FAM227A: variants seen among roughly 807,000 people sequenced by gnomAD.
FAM227A encodes family with sequence similarity 227 member A.
In FAM227A, 80 loss-of-function variants were observed where a neutral mutation model predicts 74.7. The observed-to-expected ratio is 1.07, with a 90% CI of 0.89 to 1.29. The LOEUF (loss-of-function observed/expected upper bound fraction) is 1.29, where lower values mean the gene tolerates loss of function less well. FAM227A is among the 50% of genes most tolerant of loss of function. FAM227A has a pLI of 0.00. For missense variants in FAM227A, 654 were observed against 683.4 expected, an observed-to-expected ratio of 0.96 and a Z score of 0.48; for synonymous variants, 237 against 241.8, an observed-to-expected ratio of 0.98 and a Z score of 0.19.
chr22:38,636,025 GAA>G (rs1371503410), intron 6 of FAM227A, among the ~76,000 whole-genome samples: 2 of 139,766 alleles, frequency 1.4e-5, no homozygotes, highest in Non-Finnish European at 3.1e-5. Context: ...AGGAAAGAAA[GAA>G]GAGAGAAAGA....
rs745405861 is a variant in FAM227A at position 38,579,846 on chromosome 22, ATT to A, written c.*6277_*6278del. 1 of 152,144 alleles carries A rather than the reference ATT, an allele frequency of 6.6e-6. No homozygotes were observed. Among genetic ancestry groups the A allele is most frequent in the Admixed American group, 6.6e-5 (1 of 15,264 alleles). The allele number at this position is 152,144 out of a possible 1,614,324, so 9.4% of individuals were successfully genotyped here. ...TAAAATATTTAAGATTCAGATATCC[ATT>A]TGTCTCATAAATGCCACATTTTGTT... On this transcript the variant is annotated 3_prime_UTR_variant, in exon 17 of 17. Transcript: ENST00000535113.
chr22:38,585,709 CTG>C lies in FAM227A; in HGVS notation c.*414_*415del, dbSNP rs2090791793. 1 of 223,200 alleles carries C rather than the reference CTG, an allele frequency of 4.5e-6. No individual in the cohort carries two copies. Among genetic ancestry groups the C allele is most frequent in the African/African-American group, 2.3e-5 (1 of 44,116 alleles). The allele number at this position is 223,200 out of a possible 1,614,324, so 13.8% of individuals were successfully genotyped here. A position where few individuals can be genotyped will look rare whatever the true frequency, so the allele number is the denominator to read the frequency against. Reference sequence around the variant, plus strand: ...ATGGTGACTCCCTTGAGAACAGGGACTGTGTCTTATCTACTGTTAATTACCCA... The same window carrying C: ...ATGGTGACTCCCTTGAGAACAGGGACTGTCTTATCTACTGTTAATTACCCA... On this transcript the variant is annotated 3_prime_UTR_variant, in exon 17 of 17. Coordinates refer to ENST00000535113, the MANE Select transcript of FAM227A (RefSeq NM_001013647.2).
chr22:38,630,841 G>C (rs2091902130), intron 6 of FAM227A, among the ~76,000 whole-genome samples: 1 of 152,180 alleles, frequency 6.6e-6, no homozygotes, highest in Non-Finnish European at 1.5e-5. Flanking sequence ...CATCTCATCT[G>C]CGCTTCAGGT....
At chr22:38,606,634 C>A (rs192005597) in intron 12 of FAM227A, among the ~76,000 whole-genome samples, 1 of 152,090 alleles carries the variant, frequency 6.6e-6, no homozygotes, top group Non-Finnish European at 1.5e-5. Context: ...ATTTCCAGGG[C>A]GAATTGCCAG....
At chr22:38,625,313 C>A (rs551239495) in intron 9 of FAM227A, among the ~76,000 whole-genome samples, 3 of 150,716 alleles carry the variant, frequency 2.0e-5, no homozygotes, top group Admixed American at 6.6e-5. Flanking sequence ...GGCAAGAACC[C>A]GGAAGGCTGA....
In FAM227A at chr22:38,581,751, T is replaced by TG. The variant is rs1384271339; in HGVS notation, c.*4373_*4374insC. ...ACCGCACCTGGCTCAGGTTTTTTTT[T>TG]TTTTTTTTCCCAGACACAGTCTTGC... On this transcript the variant is annotated 3_prime_UTR_variant, in exon 17 of 17. Transcript: ENST00000535113. 2.6e-5 allele frequency: 4 copies of TG among 151,328 alleles called. No homozygotes were observed. The highest frequency in any genetic ancestry group is 5.9e-5 in the Non-Finnish European group (4 of 67,978). The allele number at this position is 151,328 out of a possible 1,614,324, so 9.4% of individuals were successfully genotyped here. A position where few individuals can be genotyped will look rare whatever the true frequency, so the allele number is the denominator to read the frequency against.
Position 38,578,886 on chromosome 22 carries a change from T to C in FAM227A, c.*7239A>G, listed in dbSNP as rs2090683371. 1 of 152,190 alleles carries C rather than the reference T, an allele frequency of 6.6e-6. No individual in the cohort carries two copies. Among genetic ancestry groups the C allele is most frequent in the African/African-American group, 2.4e-5 (1 of 41,446 alleles). 9.4% of individuals were successfully genotyped at this position (152,190 alleles called of 1,614,324 possible). A position where few individuals can be genotyped will look rare whatever the true frequency, so the allele number is the denominator to read the frequency against. ...TTTGTTGAACACCCAATAATGATCA[T>C]GATAGCCAGTACATGCTGCACTTAC... is the stretch of plus-strand genomic sequence containing the variant. On this transcript the variant is annotated 3_prime_UTR_variant, in exon 17 of 17. Transcript: ENST00000535113.
rs2090705370 is a variant in FAM227A at position 38,581,338 on chromosome 22, A to G, written c.*4787T>C. On this transcript the variant is annotated 3_prime_UTR_variant, in exon 17 of 17. Coordinates refer to ENST00000535113, the MANE Select transcript of FAM227A (RefSeq NM_001013647.2). ...ACTGATCATTTCTTCAAGGATCCCT[A>G]GATCCTTTTAGGGCAAATAGTATTT... 6.6e-6 allele frequency: 1 copy of G among 152,178 alleles called. No individual in the cohort carries two copies. Among genetic ancestry groups the G allele is most frequent in the South Asian group, 2.1e-4 (1 of 4,820 alleles). The allele number at this position is 152,178 out of a possible 1,614,324, so 9.4% of individuals were successfully genotyped here. A position where few individuals can be genotyped will look rare whatever the true frequency, so the allele number is the denominator to read the frequency against.
chr22:38,603,102 G>A (rs1042728114), intron 13 of FAM227A, among the ~76,000 whole-genome samples: 21 of 152,146 alleles, frequency 1.4e-4, no homozygotes, highest in African/African-American at 5.1e-4. Flanking sequence ...TCGAACTCCT[G>A]ACCTTAGGTG....
In FAM227A at chr22:38,583,124, C is replaced by A; in HGVS notation, c.*3001G>T. ...TTCTGCTTATCTGCCCCACATGGTG[C>A]CTTGTACTCGGCAGGTGCTCACACG... On this transcript the variant is annotated 3_prime_UTR_variant, in exon 17 of 17. Transcript: ENST00000535113. 1.5e-6 allele frequency: 1 copy of A among 652,118 alleles called. No individual in the cohort carries two copies. The highest frequency in any genetic ancestry group is 2.6e-6 in the Non-Finnish European group (1 of 388,426). 40.4% of individuals were successfully genotyped at this position (652,118 alleles called of 1,614,324 possible).
chr22:38,645,134 G>A (rs954706315), intron 3 of FAM227A, among the ~76,000 whole-genome samples: 2 of 152,010 alleles, frequency 1.3e-5, no homozygotes, highest in African/African-American at 2.4e-5. Flanking sequence ...GCTCACGCCT[G>A]TAATCCTAGC....
chr22:38,623,165 A>G lies in FAM227A; in HGVS notation c.958+7T>C. The G allele has an allele frequency of 6.5e-7, 1 of 1,544,742 alleles. No individual in the cohort carries two copies. The highest frequency in any genetic ancestry group is 8.8e-7 in the Non-Finnish European group (1 of 1,140,668). Reference sequence around the variant, plus strand: ...AAGAAGGCGGGAGGCTGTACCTGCTATCTTACCCTTTGTCAGTCTTCTTCT... The same window carrying G: ...AAGAAGGCGGGAGGCTGTACCTGCTGTCTTACCCTTTGTCAGTCTTCTTCT... On this transcript the variant is annotated splice_region_variant and intron_variant, in intron 10 of 16. Transcript: ENST00000535113.
At chr22:38,613,238 A>C (rs181272102) in intron 11 of FAM227A, among the ~76,000 whole-genome samples, 9,775 of 78,184 alleles carry the variant, frequency 0.13, 1,374 homozygotes, top group African/African-American at 0.36. Context: ...TTATATATAT[A>C]ATATATAATA....
chr22:38,625,717 A>T (rs1488267748), intron 9 of FAM227A, among the ~76,000 whole-genome samples: 1 of 152,112 alleles, frequency 6.6e-6, no homozygotes, highest in African/African-American at 2.4e-5. Flanking sequence ...AGGCCGAAGC[A>T]GGCGGATTAT....
chr22:38,649,691 A>C (rs1488178938), intron 2 of FAM227A, among the ~76,000 whole-genome samples: 2 of 151,864 alleles, frequency 1.3e-5, no homozygotes, highest in Non-Finnish European at 2.9e-5. Flanking sequence ...ACATGGTGAA[A>C]CCCCATCTCT....
At chr22:38,643,053 G>A (rs538922492) in intron 3 of FAM227A, among the ~76,000 whole-genome samples, 14 of 152,064 alleles carry the variant, frequency 9.2e-5, no homozygotes, top group Non-Finnish European at 1.2e-4. Context: ...GGTGGCTCAC[G>A]CCTGTAATCT....
rs1227701850 is a variant in FAM227A at position 38,647,115 on chromosome 22, C to T, written c.143-1470G>A. Among the ~76,000 whole-genome samples the T allele has an allele frequency of 2.0e-5, 3 of 151,626 alleles. No homozygotes were observed. The South Asian group carries it at 6.3e-4, about 32-fold the overall frequency. On this transcript the variant is annotated intron_variant, in intron 2 of 16. Transcript: ENST00000535113. The stretch of plus-strand genomic sequence containing the variant: ...AGTGAGCCAAGATCGTGCCACGGCA[C>T]TCCAGCCCGTGCGATGGTGCGAGAC...
chr22:38,608,839 A>G (rs1195055426), intron 11 of FAM227A, among the ~76,000 whole-genome samples: 1 of 128,846 alleles, frequency 7.8e-6, no homozygotes, highest in Admixed American at 9.4e-5. Context: ...CTCGTTACTC[A>G]GGGTGGAGTA....
intron 6 of FAM227A, among the ~76,000 whole-genome samples, chr22:38,633,896 T>A (rs943592962): frequency 7.9e-5 from 12 of 152,048 alleles, no homozygotes; most frequent in African/African-American, 2.7e-4. Flanking sequence ...GTATTTCATT[T>A]AAAATTTTCC....
Sources: gnomAD v4.1 joint callset for allele counts (sites outside exome capture counted in the v4.1 genomes callset) on GRCh38, gnomAD v4.1.1 for gene constraint, MANE v1.5 for transcripts, NCBI Gene and HGNC (gene_info 2026-07-23, HGNC 2026-07-21) for gene names.